The following ZFHX3 variants were observed in gnomAD, a reference collection of about 807,000 sequenced individuals.
The protein encoded by ZFHX3 is zinc finger homeobox protein 3.
ZFHX3 carries 42 observed loss-of-function variants against 279.1 expected under a neutral mutation model. The observed-to-expected ratio is 0.15, with a 90% CI of 0.12 to 0.19. The LOEUF is 0.19. ZFHX3 is among the 10% of genes least tolerant of loss of function. ZFHX3 has a pLI of 1.00. For missense variants in ZFHX3, 4,981 were observed against 4,754.0 expected (o/e 1.05, Z -1.40); for synonymous variants, 2,293 against 1,957.8 (o/e 1.17, Z -4.52).
intron 2 of ZFHX3, chr16:73,504,669 G>C (rs555427976): frequency 1.3e-5 from 2 of 152,472 alleles, no homozygotes; most frequent in African/African-American, 4.8e-5. Flanking sequence ...AATCGCCTGG[G>C]TCTGCGGCTG....
intron 1 of ZFHX3, among the ~76,000 whole-genome samples, chr16:73,707,584 C>G (rs1180669373): frequency 1.0e-5 from 1 of 100,476 alleles, no homozygotes; most frequent in Non-Finnish European, 1.8e-5. Context: ...ACACCGGGGA[C>G]TATTGTGGGG....
intron 4 of ZFHX3, among the ~76,000 whole-genome samples, chr16:73,305,832 C>A (rs1057405408): frequency 6.6e-6 from 1 of 152,178 alleles, no homozygotes; most frequent in Admixed American, 6.5e-5. Flanking sequence ...TAGGCCACTT[C>A]CTCTTTGGAG....
chr16:72,865,906 C>T (rs893509341), intron 4 of ZFHX3, among the ~76,000 whole-genome samples: 4 of 152,176 alleles, frequency 2.6e-5, no homozygotes, highest in Admixed American at 6.5e-5. Flanking sequence ...ATGGAGGAAA[C>T]GCCATGCTGA....
At chr16:73,331,761 T>C (rs1163990391) in intron 3 of ZFHX3, among the ~76,000 whole-genome samples, 1 of 152,222 alleles carries the variant, frequency 6.6e-6, no homozygotes, top group Non-Finnish European at 1.5e-5. Flanking sequence ...GCAGAGAATA[T>C]GTCAACATTT....
intron 8 of ZFHX3, among the ~76,000 whole-genome samples, chr16:73,074,041 T>C (rs909653621): frequency 2.6e-5 from 4 of 152,210 alleles, no homozygotes; most frequent in African/African-American, 9.6e-5. Flanking sequence ...TGTGTGCTCT[T>C]CACTTCTTAT....
chr16:73,101,978 A>G (rs1377727049), intron 7 of ZFHX3, among the ~76,000 whole-genome samples: 1 of 140,520 alleles, frequency 7.1e-6, no homozygotes, highest in Non-Finnish European at 1.5e-5. Context: ...CACTGGCGCC[A>G]TCTCAGCTCA....
chr16:73,218,844 A>G (rs1402266751), intron 5 of ZFHX3, among the ~76,000 whole-genome samples: 1 of 152,218 alleles, frequency 6.6e-6, no homozygotes, highest in African/African-American at 2.4e-5. Flanking sequence ...CATATAACTC[A>G]GTGTCATTAA....
rs906030424 is a variant in ZFHX3, at chr16:72,984,795, C to T, written c.-49-24601G>A. Among the ~76,000 whole-genome samples, 20 of 152,118 alleles carry T rather than the reference C, an allele frequency of 1.3e-4. No homozygotes were observed. In the East Asian group the frequency reaches 2.1e-3, roughly 16 times the overall value. ...GGGCGAAGGGGCTAAACCTCACTAT[C>T]GTGTGCAAGCTCACCCCAGGCCTCA... On this transcript the variant is annotated intron_variant, in intron 1 of 9. Transcript: ENST00000268489.
intron 2 of ZFHX3, among the ~76,000 whole-genome samples, chr16:73,612,300 T>A (rs577256512): frequency 2.0e-5 from 3 of 152,146 alleles, no homozygotes; most frequent in African/African-American, 7.2e-5. Context: ...TGAAACCTCA[T>A]GAGGCAAGCT....
intron 1 of ZFHX3, among the ~76,000 whole-genome samples, chr16:72,994,488 G>A (rs985115558): frequency 4.6e-5 from 7 of 152,186 alleles, no homozygotes; most frequent in Non-Finnish European, 7.3e-5. Context: ...ATGGGACTTA[G>A]AGTGCATTAA....
In ZFHX3 at chr16:73,518,657, T is replaced by C. The variant is rs147260917; in HGVS notation, c.-1546-62399A>G. On this transcript the variant is annotated intron_variant, in intron 2 of 17. Transcript: ENST00000641206. ...AAGAGGGAGATACAGCAAACTCCTC[T>C]AATAACAATTTTGAGCAAATGCTTT... 2.9e-3 allele frequency among the ~76,000 whole-genome samples: 447 copies of C among 152,276 alleles called. 1 individual carries two copies. The highest frequency in any genetic ancestry group is 9.1e-3 in the African/African-American group (378 of 41,570).
chr16:73,170,382 C>T (rs1246677668), intron 5 of ZFHX3, among the ~76,000 whole-genome samples: 1 of 151,902 alleles, frequency 6.6e-6, no homozygotes, highest in African/African-American at 2.4e-5. Flanking sequence ...AGTCACATGT[C>T]ACCAGACCCA....
At chr16:73,275,285 T>C (rs2014264034) in intron 4 of ZFHX3, among the ~76,000 whole-genome samples, 1 of 152,108 alleles carries the variant, frequency 6.6e-6, no homozygotes, top group Non-Finnish European at 1.5e-5. Context: ...ACAGAGGGGG[T>C]GAGTCAATGT....
At chr16:73,396,340 T>C (rs1567471115) in intron 3 of ZFHX3, among the ~76,000 whole-genome samples, 1 of 152,246 alleles carries the variant, frequency 6.6e-6, no homozygotes, top group Non-Finnish European at 1.5e-5. Flanking sequence ...GGCTGTATTT[T>C]ACCCTCCTAA....
chr16:73,030,743 G>A (rs1964669237), intron 1 of ZFHX3, among the ~76,000 whole-genome samples: 1 of 152,164 alleles, frequency 6.6e-6, no homozygotes, highest in Admixed American at 6.5e-5. Context: ...GTACCAATGT[G>A]TCTCCTGCAA....
intron 4 of ZFHX3, among the ~76,000 whole-genome samples, chr16:72,855,518 C>CA (rs2037733836): frequency 6.6e-6 from 1 of 152,196 alleles, no homozygotes; most frequent in Non-Finnish European, 1.5e-5. Context: ...ATTCATTCTG[C>CA]AGAGACAGAG....
chr16:73,591,483 G>A (rs1344258144), intron 2 of ZFHX3, among the ~76,000 whole-genome samples: 1 of 151,652 alleles, frequency 6.6e-6, no homozygotes, highest in East Asian at 2.0e-4. Context: ...CACGAAGTCA[G>A]GAGATCGATA....
chr16:73,075,200 G>T (rs1965873447), intron 8 of ZFHX3, among the ~76,000 whole-genome samples: 1 of 152,160 alleles, frequency 6.6e-6, no homozygotes, highest in Non-Finnish European at 1.5e-5. Context: ...TGTAATCACA[G>T]TGCTTAGAGA....
chr16:73,127,556 C>G, intron 7 of ZFHX3: 2 of 1,305,410 alleles, frequency 1.5e-6, no homozygotes, highest in Non-Finnish European at 2.0e-6. Flanking sequence ...TGGGCTCAGC[C>G]GAGCTGACTG....
Sources: gnomAD v4.1 joint callset for allele counts (sites outside exome capture counted in the v4.1 genomes callset) on GRCh38, gnomAD v4.1.1 for gene constraint, MANE v1.5 for transcripts, NCBI Gene and HGNC (gene_info 2026-07-23, HGNC 2026-07-21) for gene names.